The following PKP2 variants were observed in gnomAD, a reference collection of about 807,000 sequenced individuals.
PKP2 encodes plakophilin-2.
Under a neutral mutation model 83.4 loss-of-function variants are expected in PKP2, and 73 were observed. That is an observed-to-expected ratio of 0.88 (90% confidence interval 0.72 to 1.06). The LOEUF is 1.06. PKP2 is among the 50% of genes least tolerant of loss of function. The probability of loss-of-function intolerance (pLI) is 0.00; values close to 1 mark genes in which losing one functional copy is unlikely to be tolerated. For synonymous variants in PKP2, 409 were observed against 430.4 expected (o/e 0.95, Z 0.62); for missense variants, 966 against 1,065.4 (o/e 0.91, Z 1.30).
chr12:32,816,851 G>GT (rs1210103625), intron 9 of PKP2, among the ~76,000 whole-genome samples: 2 of 152,038 alleles, frequency 1.3e-5, no homozygotes, highest in African/African-American at 2.4e-5. Context: ...GATGATGAGC[G>GT]TTTTTTCATG....
At chr12:32,894,486 A>C (rs531290498) in intron 1 of PKP2, 2 of 152,314 alleles carry the variant, frequency 1.3e-5, no homozygotes, top group Admixed American at 1.3e-4. Flanking sequence ...GTTGGGATTA[A>C]ATTTCCAACC....
chr12:32,792,898 G>A (rs1219477121), intron 11 of PKP2, 167 bp from the exon 12 acceptor site: 2 of 684,272 alleles, frequency 2.9e-6, no homozygotes, highest in African/African-American at 3.6e-5. Context: ...AGCTCTGCAA[G>A]GCGGGGACCA....
At chr12:32,852,433 A>C (rs894939915) in intron 4 of PKP2, among the ~76,000 whole-genome samples, 2 of 152,210 alleles carry the variant, frequency 1.3e-5, no homozygotes, top group Non-Finnish European at 2.9e-5. Context: ...AAAAGACTAG[A>C]AAGGCGGAAA....
intron 9 of PKP2, among the ~76,000 whole-genome samples, chr12:32,815,072 G>A (rs367769681): frequency 3.3e-5 from 5 of 152,036 alleles, no homozygotes; most frequent in African/African-American, 9.7e-5. Flanking sequence ...GGCGAACAAT[G>A]CATTTGCAGA....
At chr12:32,821,809 GT>G (rs1396625485) in intron 8 of PKP2, 1 of 392,020 alleles carries the variant, frequency 2.6e-6, no homozygotes. Flanking sequence ...TTCTAGAATG[GT>G]TTTCAGGCTG....
intron 9 of PKP2, among the ~76,000 whole-genome samples, chr12:32,816,765 T>C (rs1956324008): frequency 6.6e-6 from 1 of 152,184 alleles, no homozygotes; most frequent in African/African-American, 2.4e-5. Context: ...TTTTTGACTT[T>C]TTAATAGTAG....
At chr12:32,847,932 AAAAAAAACAAAAAC>A (rs1420194986) in intron 5 of PKP2, among the ~76,000 whole-genome samples, 1 of 151,726 alleles carries the variant, frequency 6.6e-6, no homozygotes, top group Non-Finnish European at 1.5e-5. Context: ...CCCATCCTTT[AAAAAAAACAAAAAC>A]AAAAAAACCC....
chr12:32,797,270 T>C (rs1396190511), intron 10 of PKP2, among the ~76,000 whole-genome samples: 2 of 151,606 alleles, frequency 1.3e-5, no homozygotes, highest in African/African-American at 4.8e-5. Flanking sequence ...TGAAACCCTG[T>C]CTCTATTAAA....
At position 32,821,526 on chromosome 12, in the gene PKP2, A is replaced by T. The variant is rs1221180761; in HGVS notation, c.1843T>A (p.Tyr615Asn). The change falls in exon 9 of 13, where the codon TAC (tyrosine) becomes AAC (asparagine). Residue 615 changes from tyrosine to asparagine, a missense_variant. Tyr to Asn is a moderately radical substitution (Grantham distance 143). Transcript: ENST00000340811. The part of the protein sequence containing the change: ...GSRSRKVKEQ[Y>N]QDVPMPEEKS... ...TCCTCCGGCATCGGCACGTCCTGGT[A>T]TTGCTGACCACACACAAAAGGAATC... The T allele has an allele frequency of 6.2e-7, 1 of 1,613,878 alleles. No homozygotes were observed. The highest frequency in any genetic ancestry group is 2.2e-5 in the East Asian group (1 of 44,870).
intron 4 of PKP2, among the ~76,000 whole-genome samples, chr12:32,865,692 A>AAAAAAAAAAAAAG (rs1480156349): frequency 9.9e-5 from 15 of 151,666 alleles, no homozygotes; most frequent in African/African-American, 2.9e-4. Flanking sequence ...AAAAAAAAAA[A>AAAAAAAAAAAAAG]GACAAATAGA....
At chr12:32,869,143 A>C in intron 3 of PKP2, 81 bp from the exon 4 acceptor site, 1 of 1,511,876 alleles carries the variant, frequency 6.6e-7, no homozygotes. Context: ...GAGACGACTC[A>C]GCGAATACTG....
intron 1 of PKP2, among the ~76,000 whole-genome samples, chr12:32,892,826 G>GGGGC (rs1555149562): frequency 7.8e-6 from 1 of 128,558 alleles, no homozygotes; most frequent in Non-Finnish European, 1.7e-5. Context: ...GGCGGGGGGG[G>GGGGC]GGGGAGAACT....
chr12:32,824,502 G>A (rs1487167995), intron 6 of PKP2: 2 of 339,418 alleles, frequency 5.9e-6, no homozygotes, highest in African/African-American at 2.1e-5. Context: ...TGGCACATTA[G>A]ACATTATAAT....
At position 32,850,960 on chromosome 12, in the gene PKP2, C is replaced by T. The variant is rs773611613; in HGVS notation, c.1184G>A (p.Arg395His). 8.7e-6 allele frequency: 14 copies of T among 1,613,872 alleles called. 1 individual carries two copies. The highest frequency in any genetic ancestry group is 1.7e-5 in the Admixed American group (1 of 59,988). Residue 395 changes from arginine (R) to histidine (H), a missense_variant, in exon 5 of 13, where the codon CGT becomes CAT. Physicochemically the swap from Arg to His is conservative, Grantham distance 29. Coordinates refer to ENST00000340811, the MANE Select transcript of PKP2 (RefSeq NM_001005242.3). ...SEARKRVNQL[R>H]GILKLLQLLK... ...GAGCTGCAGAAGCTTGAGGATGCCACGAAGCTGGTTAACCTGGGGAAGAAG... is the reference window on the plus strand; with the variant it reads ...GAGCTGCAGAAGCTTGAGGATGCCATGAAGCTGGTTAACCTGGGGAAGAAG...
intron 9 of PKP2, among the ~76,000 whole-genome samples, chr12:32,806,684 G>A (rs1956228535): frequency 6.7e-6 from 1 of 150,196 alleles, no homozygotes; most frequent in African/African-American, 2.5e-5. Flanking sequence ...TTTTTGAAGG[G>A]TTTGTGTGTG....
chr12:32,796,298 GC>G lies in PKP2; in HGVS notation c.2168-1del. ...AACCAAATCAGGGAGAGTTTCTTTG[GC>G]TACAAAATGAAAAAAAAAACAAAAC... On this transcript the variant is annotated splice_acceptor_variant, in intron 10 of 12. Transcript: ENST00000340811. LOFTEE classifies it high-confidence loss of function. 1 of 1,604,520 alleles carries G rather than the reference GC, an allele frequency of 6.2e-7. No individual in the cohort carries two copies.
At chr12:32,872,295 G>A (rs1281602893) in intron 3 of PKP2, among the ~76,000 whole-genome samples, 1 of 152,170 alleles carries the variant, frequency 6.6e-6, no homozygotes, top group Non-Finnish European at 1.5e-5. Context: ...CACTTTGGGA[G>A]GCTGAGGTGG....
chr12:32,882,267 T>C (rs1052163711), intron 1 of PKP2, among the ~76,000 whole-genome samples: 7 of 152,214 alleles, frequency 4.6e-5, no homozygotes, highest in Non-Finnish European at 2.9e-5. Flanking sequence ...AAAGTACTAA[T>C]GGTCATTTAT....
At chr12:32,890,578 A>G (rs1218430454) in intron 1 of PKP2, among the ~76,000 whole-genome samples, 2 of 152,196 alleles carry the variant, frequency 1.3e-5, no homozygotes, top group Non-Finnish European at 2.9e-5. Context: ...CTACATATTG[A>G]GCTCTCAAGC....
Sources: allele counts gnomAD v4.1 joint callset (sites outside exome capture counted in the v4.1 genomes callset), GRCh38; gene constraint gnomAD v4.1.1; transcripts MANE v1.5; gene names NCBI Gene and HGNC (gene_info 2026-07-23, HGNC 2026-07-21).